The following MSI2 variants were observed in gnomAD, a reference collection of about 807,000 sequenced individuals.
MSI2 encodes RNA-binding protein Musashi homolog 2.
MSI2 carries 17 observed loss-of-function variants against 45.6 expected under a neutral mutation model. The observed-to-expected ratio is 0.37, with a 90% CI of 0.26 to 0.56. The LOEUF is 0.56. Ranked by LOEUF, MSI2 falls within the 20% of genes least tolerant of loss-of-function variation. MSI2 has a pLI of 0.77. For missense variants in MSI2, 293 were observed against 444.2 expected, an observed-to-expected ratio of 0.66 and a Z score of 3.06; for synonymous variants, 156 against 158.2, an observed-to-expected ratio of 0.99 and a Z score of 0.11.
At chr17:57,526,383 G>T (rs745436004) in intron 6 of MSI2, among the ~76,000 whole-genome samples, 30 of 90,602 alleles carry the variant, frequency 3.3e-4, no homozygotes, top group South Asian at 5.8e-4. Context: ...GTGTGTGTGT[G>T]TGTGTGTGTG....
intron 6 of MSI2, among the ~76,000 whole-genome samples, chr17:57,473,089 C>T (rs1248721210): frequency 6.6e-6 from 1 of 152,166 alleles, no homozygotes; most frequent in Admixed American, 6.5e-5. Flanking sequence ...GACGGGGTTT[C>T]ACCATGTTGG....
intron 7 of MSI2, among the ~76,000 whole-genome samples, chr17:57,539,500 T>C (rs2086994751): frequency 6.8e-6 from 1 of 146,986 alleles, no homozygotes; most frequent in South Asian, 2.2e-4. Flanking sequence ...AAGACCAGCC[T>C]AGCCAACAGG....
chr17:57,485,785 A>G (rs1598322373), intron 6 of MSI2, among the ~76,000 whole-genome samples: 2 of 152,216 alleles, frequency 1.3e-5, no homozygotes, highest in East Asian at 3.8e-4. Context: ...ATGAGTGTCA[A>G]AGGGATGAAG....
In MSI2 at chr17:57,310,729, T is replaced by A. The variant is rs141931989; in HGVS notation, c.312+48537T>A. On this transcript the variant is annotated intron_variant, in intron 5 of 13. Transcript: ENST00000284073. ...CATTGGGCCTCAGTTTACCTACCAG[T>A]GCCACGGGGATATTAATGAGTGCCT... is the stretch of plus-strand genomic sequence containing the variant. 3.2e-3 allele frequency among the ~76,000 whole-genome samples: 485 copies of A among 152,270 alleles called. 2 individuals are homozygous for A. The highest frequency in any genetic ancestry group is 0.011 in the African/African-American group (462 of 41,548).
intron 10 of MSI2, chr17:57,630,891 C>G (rs1014265368): frequency 6.6e-6 from 1 of 152,286 alleles, no homozygotes; most frequent in Non-Finnish European, 1.5e-5. Context: ...TGGATCTGGC[C>G]GAGGCGGCTG....
In MSI2 at chr17:57,554,240, G is replaced by C. The variant is rs193107568; in HGVS notation, c.454+24516G>C. Among the ~76,000 whole-genome samples, 195 of 149,176 alleles carry C rather than the reference G, an allele frequency of 1.3e-3. 1 individual carries two copies. Among genetic ancestry groups the C allele is most frequent in the African/African-American group, 4.3e-3 (165 of 38,764 alleles). ...GGATCAAGAGTTTGGGGCGGGGGAG[G>C]GGGGGGATGGTTCTTAAAAATGCAG... On this transcript the variant is annotated intron_variant, in intron 7 of 13. Coordinates refer to ENST00000284073, the MANE Select transcript of MSI2 (RefSeq NM_138962.4).
intron 6 of MSI2, among the ~76,000 whole-genome samples, chr17:57,421,704 TG>T (rs1324973363): frequency 6.6e-6 from 1 of 152,078 alleles, no homozygotes; most frequent in African/African-American, 2.4e-5. Context: ...GGTCACATAG[TG>T]AGACCCTATC....
intron 5 of MSI2, among the ~76,000 whole-genome samples, chr17:57,380,389 C>T (rs1394328624): frequency 6.6e-6 from 1 of 152,116 alleles, no homozygotes; most frequent in Non-Finnish European, 1.5e-5. Context: ...GAGTGTGTGC[C>T]CCTGGGTTTC....
intron 8 of MSI2, among the ~76,000 whole-genome samples, chr17:57,614,915 G>A (rs1567937130): frequency 6.6e-6 from 1 of 152,076 alleles, no homozygotes; most frequent in South Asian, 2.1e-4. Flanking sequence ...AACAGAAAGG[G>A]GAGATTAGCA....
chr17:57,626,853 G>T, intron 9 of MSI2: 1 of 238,574 alleles, frequency 4.2e-6, no homozygotes, highest in Non-Finnish European at 8.2e-6. Flanking sequence ...GATGCATCAC[G>T]AGGACTTTAA....
chr17:57,414,535 G>A (rs1033074094), intron 6 of MSI2, among the ~76,000 whole-genome samples: 6 of 151,992 alleles, frequency 3.9e-5, no homozygotes, highest in African/African-American at 9.7e-5. Context: ...GATTATAGGC[G>A]CCTGTCACCA....
At chr17:57,518,294 T>TC (rs1028120890) in intron 6 of MSI2, among the ~76,000 whole-genome samples, 6 of 152,160 alleles carry the variant, frequency 3.9e-5, no homozygotes, top group Non-Finnish European at 8.8e-5. Context: ...ACCAAGATTT[T>TC]CCAAGCCTAC....
intron 5 of MSI2, among the ~76,000 whole-genome samples, chr17:57,346,709 C>T (rs188744942): frequency 6.6e-5 from 10 of 152,142 alleles, no homozygotes; most frequent in African/African-American, 2.2e-4. Context: ...TGGGCTCTGG[C>T]GATCCTCCCA....
intron 6 of MSI2, among the ~76,000 whole-genome samples, chr17:57,447,828 A>G (rs1228658166): frequency 6.6e-6 from 1 of 152,016 alleles, no homozygotes; most frequent in Non-Finnish European, 1.5e-5. Flanking sequence ...GACACTGACA[A>G]TTTACTTCTG....
chr17:57,558,571 C>T (rs1013167874), intron 7 of MSI2, among the ~76,000 whole-genome samples: 5 of 152,088 alleles, frequency 3.3e-5, no homozygotes, highest in Non-Finnish European at 7.4e-5. Context: ...CCTGGTGGCA[C>T]AACAGAAAAC....
intron 5 of MSI2, among the ~76,000 whole-genome samples, chr17:57,315,783 C>A (rs1912807357): frequency 6.6e-6 from 1 of 152,110 alleles, no homozygotes; most frequent in African/African-American, 2.4e-5. Context: ...CCGTGGAAAC[C>A]TTTTTCGGCA....
chr17:57,608,588 G>A (rs1567933450), intron 8 of MSI2, among the ~76,000 whole-genome samples: 1 of 152,256 alleles, frequency 6.6e-6, no homozygotes, highest in Non-Finnish European at 1.5e-5. Context: ...GCCGTCGCTT[G>A]GCCCTGTCCT....
chr17:57,636,901 AG>A (rs1428863772), intron 10 of MSI2, among the ~76,000 whole-genome samples: 1 of 152,174 alleles, frequency 6.6e-6, no homozygotes, highest in Non-Finnish European at 1.5e-5. Flanking sequence ...TCAGTTTCCC[AG>A]GTAGGCTGCC....
intron 6 of MSI2, among the ~76,000 whole-genome samples, chr17:57,507,203 A>ATTGG (rs71140001): frequency 0.87 from 118,621 of 136,940 alleles, 51,224 homozygotes; most frequent in Middle Eastern, 0.93. Context: ...ATCTCTTCCC[A>ATTGG]TTGGTTTTTG....
Sources: allele counts gnomAD v4.1 joint callset (sites outside exome capture counted in the v4.1 genomes callset), GRCh38; gene constraint gnomAD v4.1.1; transcripts MANE v1.5; gene names NCBI Gene and HGNC (gene_info 2026-07-23, HGNC 2026-07-21).